The following TOP2B variants were observed in gnomAD, a reference collection of about 807,000 sequenced individuals.
TOP2B encodes the protein DNA topoisomerase 2-beta.
A neutral mutation model predicts 193.5 loss-of-function variants in TOP2B; 51 were observed. The observed-to-expected ratio is 0.26, with a 90% confidence interval of 0.21 to 0.33. The LOEUF is 0.33. Among genes scored for constraint, TOP2B ranks in the 10% least tolerant of loss-of-function variants. The pLI is 1.00. For missense variants in TOP2B, 1,378 were observed against 1,909.3 expected (o/e 0.72, Z 5.19); for synonymous variants, 634 against 635.7 (o/e 1.00, Z 0.04).
At chr3:25,654,696 G>A (rs751516582) in intron 1 of TOP2B, among the ~76,000 whole-genome samples, 1 of 152,100 alleles carries the variant, frequency 6.6e-6, no homozygotes, top group Non-Finnish European at 1.5e-5. Flanking sequence ...TTTTACTACA[G>A]AACAACAGAA....
chr3:25,632,713 C>G lies in TOP2B; in HGVS notation c.1108G>C (p.Val370Leu). Residue 370 changes from valine to leucine, a missense_variant, in exon 9 of 36, where the codon GTA (valine) becomes CTA (leucine). Physicochemically the swap from Val to Leu is conservative, Grantham distance 32. Coordinates refer to ENST00000264331, the MANE Select transcript of TOP2B (RefSeq NM_001330700.2). ...CTTACTTGAAATGGTTTCACTGATA[C>G]ACCAGCTTTGTTCTTTTTCTTAACT... ...EVVKKKNKAG[V>L]SVKPFQVKNH... 1 of 1,612,942 alleles carries G rather than the reference C, an allele frequency of 6.2e-7. No homozygotes were observed. The highest frequency in any genetic ancestry group is 8.5e-7 in the Non-Finnish European group (1 of 1,179,246).
chr3:25,630,570 G>T, intron 11 of TOP2B, 101 bp from the exon 12 acceptor site: 1 of 992,600 alleles, frequency 1.0e-6, no homozygotes. Flanking sequence ...GACAGTGAAA[G>T]ACTATAAAAG....
At chr3:25,619,207 T>C (rs1424234276) in intron 23 of TOP2B, among the ~76,000 whole-genome samples, 1 of 152,070 alleles carries the variant, frequency 6.6e-6, no homozygotes, top group Non-Finnish European at 1.5e-5. Flanking sequence ...AGTTTAAAAA[T>C]GTTCAAGTTT....
At chr3:25,626,520 T>C (rs1015650643) in intron 18 of TOP2B, 40 bp downstream of exon 18, 4 of 1,132,142 alleles carry the variant, frequency 3.5e-6, no homozygotes, top group African/African-American at 1.6e-5. Flanking sequence ...TAAACTATAG[T>C]AAATAACATT....
In TOP2B at chr3:25,664,340, G is replaced by T; in HGVS notation, c.-43C>A. 1 of 1,432,854 alleles carries T rather than the reference G, an allele frequency of 7.0e-7. No homozygotes were observed. Among genetic ancestry groups the T allele is most frequent in the South Asian group, 1.4e-5 (1 of 69,284 alleles). 88.8% of individuals were successfully genotyped at this position (1,432,854 alleles called of 1,614,324 possible). ...CACAGGCCCTGAGGCCGCAGCCGCC[G>T]CTCCCGCCTCCCTGCGGGCCGCTGG... On this transcript the variant is annotated 5_prime_UTR_variant, in exon 1 of 36. Transcript: ENST00000264331.
At chr3:25,619,550 G>C (rs2125363805) in intron 23 of TOP2B, among the ~76,000 whole-genome samples, 1 of 152,162 alleles carries the variant, frequency 6.6e-6, no homozygotes. Flanking sequence ...TGCTAATAGA[G>C]ATGGCCATAA....
At position 25,609,231 on chromosome 3, in the gene TOP2B, T is replaced by C. The variant is rs1702308501; in HGVS notation, c.4045A>G (p.Thr1349Ala). The change falls in exon 30 of 36, where the codon ACA becomes GCA. Residue 1349 changes from threonine (T) to alanine (A), a missense_variant. By Grantham distance (58) the Thr-to-Ala change is moderately conservative. This residue lies in a region of TOP2B where 556 missense variants were observed against 584.2 expected (regional missense o/e 0.95). Transcript: ENST00000264331. ...ESKSESDLEE[T>A]EPVVIPRDSL... ...TCTCTTGGAATAACCACAGGTTCTG[T>C]TTCTTCCAAATCACTTTCTGACTTG... 6.2e-7 allele frequency: 1 copy of C among 1,608,598 alleles called. No homozygotes were observed. The highest frequency in any genetic ancestry group is 8.5e-7 in the Non-Finnish European group (1 of 1,177,128).
rs1022238514 is a variant in TOP2B at position 25,627,124 on chromosome 3, G to A, written c.2016+63C>T. 11 of 1,167,700 alleles carry A rather than the reference G, an allele frequency of 9.4e-6. No homozygotes were observed. The East Asian group carries it at 1.2e-4, about 13-fold the overall frequency. The allele number at this position is 1,167,700 out of a possible 1,614,324, so 72.3% of individuals were successfully genotyped here. On this transcript the variant is annotated intron_variant, in intron 16 of 35. Coordinates refer to ENST00000264331, the MANE Select transcript of TOP2B (RefSeq NM_001330700.2). Reference sequence around the variant, plus strand: ...ACTTATCATAGGGAACCAGGACTGGGAGGAAAGGAATAGAAGGTAGGGGGA... The same window carrying A: ...ACTTATCATAGGGAACCAGGACTGGAAGGAAAGGAATAGAAGGTAGGGGGA...
intron 6 of TOP2B, 64 bp downstream of exon 6, chr3:25,637,150 CT>C: frequency 7.9e-7 from 1 of 1,260,888 alleles, no homozygotes; most frequent in South Asian, 1.3e-5. Context: ...ACCCAAGGTT[CT>C]ACTATCTCGG....
intron 19 of TOP2B, 95 bp from the exon 20 acceptor site, chr3:25,624,540 G>A: frequency 2.6e-6 from 4 of 1,539,820 alleles, no homozygotes; most frequent in Middle Eastern, 1.8e-4. Context: ...AAGAATAAAG[G>A]CTTTAGAATC....
At chr3:25,662,200 C>G (rs908553743) in intron 1 of TOP2B, among the ~76,000 whole-genome samples, 7 of 152,174 alleles carry the variant, frequency 4.6e-5, no homozygotes, top group African/African-American at 1.7e-4. Context: ...GATAAAAAAA[C>G]AGGCTTAGAA....
At chr3:25,644,594 G>A (rs1274495393) in intron 2 of TOP2B, among the ~76,000 whole-genome samples, 1 of 150,780 alleles carries the variant, frequency 6.6e-6, no homozygotes, top group African/African-American at 2.4e-5. Flanking sequence ...CCAGCTACTT[G>A]GAAGGCTGAG....
intron 11 of TOP2B, 26 bp from the exon 12 acceptor site, chr3:25,630,495 A>G (rs1575575441): frequency 2.0e-6 from 3 of 1,496,396 alleles, no homozygotes; most frequent in East Asian, 5.0e-5. Context: ...AATTATACAT[A>G]GTAAAAATTT....
Position 25,644,489 on chromosome 3 carries a change from T to A in TOP2B, c.241-705A>T, listed in dbSNP as rs529069891. On this transcript the variant is annotated intron_variant, in intron 2 of 35. Coordinates refer to ENST00000264331, the MANE Select transcript of TOP2B (RefSeq NM_001330700.2). ...GCCAAGGTGGATGGATCACCTGAGG[T>A]CAGGAGTTCAAGACCAGCCTGGCCA... is the stretch of plus-strand genomic sequence containing the variant. 2.0e-5 allele frequency among the ~76,000 whole-genome samples: 3 copies of A among 151,970 alleles called. No individual in the cohort carries two copies. In the South Asian group the frequency reaches 6.2e-4, roughly 32 times the overall value.
At chr3:25,648,923 C>T (rs912086701) in intron 1 of TOP2B, among the ~76,000 whole-genome samples, 3 of 151,934 alleles carry the variant, frequency 2.0e-5, no homozygotes, top group Admixed American at 1.3e-4. Flanking sequence ...TATTGTCATA[C>T]AAAGAATTCA....
rs767831760 is a variant in TOP2B at position 25,612,708 on chromosome 3, T to C, written c.3593A>G (p.Lys1198Arg). The C allele has an allele frequency of 2.1e-5, 34 of 1,612,666 alleles. No individual in the cohort carries two copies. The highest frequency in any genetic ancestry group is 2.9e-5 in the Non-Finnish European group (34 of 1,179,136). The change falls in exon 28 of 36, where the codon AAA becomes AGA. Residue 1198 changes from lysine (K) to arginine (R), a missense_variant and splice_region_variant. Physicochemically the swap from Lys to Arg is conservative, Grantham distance 26. This residue lies in a region of TOP2B where 556 missense variants were observed against 584.2 expected (regional missense o/e 0.95). Transcript: ENST00000264331. Reference sequence around the variant, plus strand: ...ATCTTCTCGTTCTTGAGATTCCACTTTCTAAAGTATAATCATAAGGCAGAA... The same window carrying C: ...ATCTTCTCGTTCTTGAGATTCCACTCTCTAAAGTATAATCATAAGGCAGAA... Reference protein sequence around the residue: ...DLAAFVEELDKVESQEREDVL... With the variant: ...DLAAFVEELDRVESQEREDVL...
chr3:25,611,954 T>A (rs954595722), intron 28 of TOP2B, among the ~76,000 whole-genome samples: 7 of 152,094 alleles, frequency 4.6e-5, no homozygotes, highest in Admixed American at 2.6e-4. Context: ...TTATTTATTT[T>A]TTTTTGAGAT....
intron 30 of TOP2B, 43 bp downstream of exon 30, chr3:25,609,140 G>A (rs777437195): frequency 4.9e-5 from 74 of 1,507,666 alleles, no homozygotes; most frequent in Non-Finnish European, 6.4e-5. Flanking sequence ...CCAACGTATA[G>A]GTTAAACTAT....
chr3:25,611,368 C>A (rs1702365103), intron 28 of TOP2B, among the ~76,000 whole-genome samples: 1 of 152,138 alleles, frequency 6.6e-6, no homozygotes, highest in African/African-American at 2.4e-5. Context: ...TTTATCAGAA[C>A]AGAAGAGAAA....
Sources: allele counts gnomAD v4.1 joint callset (sites outside exome capture counted in the v4.1 genomes callset), GRCh38; gene constraint gnomAD v4.1.1; regional missense constraint gnomAD v4.1.1; transcripts MANE v1.5; gene names NCBI Gene and HGNC (gene_info 2026-07-23, HGNC 2026-07-21).